Variants in SFSWAP observed in about 807,000 individuals in gnomAD.
SFSWAP encodes the protein splicing factor SWAP.
SFSWAP carries 17 observed loss-of-function variants against 100.7 expected under a neutral mutation model. The observed-to-expected ratio is 0.17, with a 90% confidence interval of 0.12 to 0.25. The LOEUF is 0.25. SFSWAP is among the 10% of genes least tolerant of loss of function. The pLI, the probability that SFSWAP is intolerant of heterozygous loss-of-function variation, is 1.00. For synonymous variants in SFSWAP, 504 were observed against 510.1 expected (o/e 0.99, Z 0.16); for missense variants, 1,005 against 1,262.6 (o/e 0.80, Z 3.09).
chr12:131,751,127 G>A (rs531490202), intron 7 of SFSWAP, among the ~76,000 whole-genome samples: 3 of 152,112 alleles, frequency 2.0e-5, no homozygotes, highest in Non-Finnish European at 4.4e-5. Context: ...AACAGTCTGC[G>A]TGTTCTTTAA....
At chr12:131,798,575 T>A (rs769331797) in intron 16 of SFSWAP, among the ~76,000 whole-genome samples, 44 of 152,176 alleles carry the variant, frequency 2.9e-4, no homozygotes, top group Non-Finnish European at 5.7e-4. Context: ...ACAGCATGTT[T>A]ATGATGCCAA....
chr12:131,796,018 G>A (rs1566064733), intron 15 of SFSWAP: 1 of 36,790 alleles, frequency 2.7e-5, no homozygotes, highest in Non-Finnish European at 6.3e-5. Context: ...GGGGAGGGGA[G>A]AGGGGGAGGG....
Position 131,724,987 on chromosome 12 carries a change from G to A in SFSWAP, c.607-418G>A, listed in dbSNP as rs937481331. Among the ~76,000 whole-genome samples, 3 of 152,192 alleles carry A rather than the reference G, an allele frequency of 2.0e-5. No individual in the cohort carries two copies. The East Asian group carries it at 5.8e-4, about 29-fold the overall frequency. On this transcript the variant is annotated intron_variant, in intron 4 of 17. Coordinates refer to ENST00000261674, the MANE Select transcript of SFSWAP (RefSeq NM_004592.4). ...AGCTGTGAAACCTAGTCCCCGCTAA[G>A]AAGAAGGAAAGAGCAGTGATTCTGG...
At chr12:131,754,053 TAAC>T (rs886115515) in intron 8 of SFSWAP, among the ~76,000 whole-genome samples, 4 of 152,234 alleles carry the variant, frequency 2.6e-5, no homozygotes, top group Middle Eastern at 3.4e-3. Flanking sequence ...GTTTTCAATA[TAAC>T]AACAACAACA....
intron 3 of SFSWAP, among the ~76,000 whole-genome samples, chr12:131,716,745 A>G (rs1003153454): frequency 2.0e-5 from 3 of 152,246 alleles, no homozygotes; most frequent in African/African-American, 7.2e-5. Context: ...ATGGCCCACA[A>G]AACCAGAAAT....
At chr12:131,716,537 A>T (rs940064711) in intron 3 of SFSWAP, among the ~76,000 whole-genome samples, 10 of 152,238 alleles carry the variant, frequency 6.6e-5, no homozygotes, top group African/African-American at 2.4e-4. Context: ...AATAGATACT[A>T]TAGCCACTTC....
intron 7 of SFSWAP, among the ~76,000 whole-genome samples, chr12:131,732,071 G>A (rs1319245816): frequency 2.0e-5 from 3 of 151,624 alleles, no homozygotes; most frequent in Non-Finnish European, 1.5e-5. Flanking sequence ...CACCACGCCT[G>A]GCTAATTTTT....
intron 7 of SFSWAP, among the ~76,000 whole-genome samples, chr12:131,739,347 A>T (rs1028470915): frequency 6.6e-6 from 1 of 152,172 alleles, no homozygotes; most frequent in Admixed American, 6.5e-5. Context: ...CACCGCTAGG[A>T]TATGAGTGCT....
Position 131,714,897 on chromosome 12 carries a change from G to A in SFSWAP, c.464G>A (p.Ser155Asn), listed in dbSNP as rs543639886. The change falls in exon 3 of 18, where the codon AGC becomes AAC. Residue 155 changes from serine to asparagine, a missense_variant. Ser to Asn is a conservative substitution (Grantham distance 46, BLOSUM62 1). Coordinates refer to ENST00000261674, the MANE Select transcript of SFSWAP (RefSeq NM_004592.4). The surrounding 1 kb of genome is among the most constrained non-coding windows in gnomAD (Gnocchi z 6.0). ...SYNAVGFTYG[S>N]DYYDPSEPTE... ...AATGCCGTGGGGTTCACTTACGGTA[G>A]CGACTATTACGACCCGTCAGAGCCG... 3 of 1,614,200 alleles carry A rather than the reference G, an allele frequency of 1.9e-6. No homozygotes were observed. Among genetic ancestry groups the A allele is most frequent in the African/African-American group, 2.7e-5 (2 of 75,034 alleles).
intron 15 of SFSWAP, among the ~76,000 whole-genome samples, chr12:131,789,787 G>A (rs891673122): frequency 6.6e-6 from 1 of 152,160 alleles, no homozygotes; most frequent in African/African-American, 2.4e-5. Flanking sequence ...CTGGGTTCAG[G>A]GCAAATGTTT....
In SFSWAP at chr12:131,764,523, T is replaced by C. The variant is rs748418594; in HGVS notation, c.1788T>C (p.Asn596=). 15 of 1,614,026 alleles carry C rather than the reference T, an allele frequency of 9.3e-6. 1 individual carries two copies. The Admixed American group carries it at 1.7e-4, about 18-fold the overall frequency. ...ATGATCTGCTTCCCCTGGAAAAAAATCGTGTTAAGCTAGATGATGACAGTG... is the reference window on the plus strand; with the variant it reads ...ATGATCTGCTTCCCCTGGAAAAAAACCGTGTTAAGCTAGATGATGACAGTG... ...KENDLLPLEK[N]RVKLDDDSDD... The change falls in exon 12 of 18, where the codon AAT becomes AAC. Residue 596 remains asparagine, a synonymous_variant. Coordinates refer to ENST00000261674, the MANE Select transcript of SFSWAP (RefSeq NM_004592.4).
At position 131,762,879 on chromosome 12, in the gene SFSWAP, G is replaced by A. The variant is rs1000890587; in HGVS notation, c.1721-1577G>A. Among the ~76,000 whole-genome samples, 3 of 152,148 alleles carry A rather than the reference G, an allele frequency of 2.0e-5. 1 individual carries two copies. The South Asian group carries it at 6.2e-4, about 31-fold the overall frequency. ...CTCCCAAAGTGCTGGGATTACAGGC[G>A]TAAGCCACTGCACCCGGCCAATTTT... On this transcript the variant is annotated intron_variant, in intron 11 of 17. Coordinates refer to ENST00000261674, the MANE Select transcript of SFSWAP (RefSeq NM_004592.4).
At chr12:131,755,235 G>A in intron 9 of SFSWAP, 151 bp from the exon 10 acceptor site, 1 of 617,048 alleles carries the variant, frequency 1.6e-6, no homozygotes, top group Non-Finnish European at 2.9e-6. Flanking sequence ...CCCCCTGTGT[G>A]CAGTCTCCCT....
intron 15 of SFSWAP, among the ~76,000 whole-genome samples, chr12:131,789,010 C>T (rs1885077999): frequency 6.6e-6 from 1 of 151,494 alleles, no homozygotes; most frequent in Admixed American, 6.6e-5. Context: ...GATAGGGTCT[C>T]ACTCCCATTG....
intron 13 of SFSWAP, among the ~76,000 whole-genome samples, chr12:131,771,968 T>G (rs1883650345): frequency 6.6e-6 from 1 of 152,232 alleles, no homozygotes; most frequent in Non-Finnish European, 1.5e-5. Flanking sequence ...GCCACTTTGC[T>G]AATGTTTCTT....
At chr12:131,764,760 A>T in intron 12 of SFSWAP, 74 bp downstream of exon 12, 1 of 1,087,538 alleles carries the variant, frequency 9.2e-7, no homozygotes, top group Non-Finnish European at 1.3e-6. Context: ...TAAGCCAAAA[A>T]ATCTCGAGGC....
In SFSWAP at chr12:131,754,399, C is replaced by T; in HGVS notation, c.1354C>T (p.Pro452Ser). 6.3e-7 allele frequency: 1 copy of T among 1,595,420 alleles called. No individual in the cohort carries two copies. The highest frequency in any genetic ancestry group is 1.1e-5 in the South Asian group (1 of 88,694). The change falls in exon 9 of 18, where the codon CCG (proline) becomes TCG (serine). Residue 452 changes from proline (P) to serine (S), a missense_variant. By Grantham distance (74) the Pro-to-Ser change is moderately conservative. Transcript: ENST00000261674. ...ALAPVAAIIP[P>S]PPDVQPVIDK... ...TGCCCCCGTGGCCGCCATCATCCCC[C>T]CGCCCCCCGACGTCCAGCCCGTGAT...
intron 4 of SFSWAP, 76 bp downstream of exon 4, chr12:131,719,615 A>G (rs1878278695): frequency 1.7e-6 from 2 of 1,158,272 alleles, no homozygotes; most frequent in African/African-American, 1.5e-5. Context: ...GGAAAGCTCA[A>G]TAATGATTAT....
chr12:131,729,030 A>T (rs577599812), intron 7 of SFSWAP, among the ~76,000 whole-genome samples: 4 of 152,114 alleles, frequency 2.6e-5, no homozygotes, highest in South Asian at 2.1e-4. Flanking sequence ...CACCCAAGCC[A>T]TAGCTAGTGG....
Sources: gnomAD v4.1 joint callset for allele counts (sites outside exome capture counted in the v4.1 genomes callset) on GRCh38, gnomAD v4.1.1 for gene constraint, Gnocchi (gnomAD v3.1) non-coding constraint, MANE v1.5 for transcripts, NCBI Gene and HGNC (gene_info 2026-07-23, HGNC 2026-07-21) for gene names.